The following LRRC8A variants were observed in gnomAD, a reference collection of about 807,000 sequenced individuals.
LRRC8A encodes leucine rich repeat containing 8 VRAC subunit A.
Under a neutral mutation model 52.5 loss-of-function variants are expected in LRRC8A, and 24 were observed. The observed-to-expected ratio is 0.46, with a 90% confidence interval of 0.33 to 0.64. The LOEUF is 0.64. Among genes scored for constraint, LRRC8A ranks in the 30% least tolerant of loss-of-function variants. The probability of loss-of-function intolerance (pLI) is 0.02; values close to 1 mark genes in which losing one functional copy is unlikely to be tolerated. For missense variants in LRRC8A, 677 were observed against 1,094.7 expected, an observed-to-expected ratio of 0.62 and a Z score of 5.38; for synonymous variants, 492 against 494.2, an observed-to-expected ratio of 1.00 and a Z score of 0.06.
At position 128,899,255 on chromosome 9, in the gene LRRC8A, G is replaced by A. The variant is rs1212374020; in HGVS notation, c.-8-7902G>A. Among the ~76,000 whole-genome samples, 2 of 152,176 alleles carry A rather than the reference G, an allele frequency of 1.3e-5. No homozygotes were observed. Among genetic ancestry groups the A allele is most frequent in the Admixed American group, 6.5e-5 (1 of 15,272 alleles). On this transcript the variant is annotated intron_variant, in intron 2 of 3. Transcript: ENST00000372600. The surrounding 1 kb of genome is among the most constrained non-coding windows in gnomAD (Gnocchi z 4.0). ...GGACGCAGTGCCAGCTGAGAGGGCC[G>A]AGCACAGGGAGGATAAGCAAGGGCA... is the stretch of plus-strand genomic sequence containing the variant.
chr9:128,902,454 T>C lies in LRRC8A; in HGVS notation c.-8-4703T>C, dbSNP rs1588212806. On this transcript the variant is annotated intron_variant, in intron 2 of 3. Coordinates refer to ENST00000372600, the MANE Select transcript of LRRC8A (RefSeq NM_019594.4). This position sits in a 1 kb window ranked among gnomAD's most constrained non-coding sequence, Gnocchi z 4.1. Reference sequence around the variant, plus strand: ...CCCAGGTCGGCGGGGCTGGGGCGGCTCCTCGCAGAGGAAGCAGGTGTTTCT... The same window carrying C: ...CCCAGGTCGGCGGGGCTGGGGCGGCCCCTCGCAGAGGAAGCAGGTGTTTCT... 6.6e-6 allele frequency among the ~76,000 whole-genome samples: 1 copy of C among 152,086 alleles called. No individual in the cohort carries two copies. The highest frequency in any genetic ancestry group is 2.4e-5 in the African/African-American group (1 of 41,424).
intron 2 of LRRC8A, among the ~76,000 whole-genome samples, chr9:128,889,348 A>C (rs1484389797): frequency 6.6e-6 from 1 of 152,160 alleles, no homozygotes; most frequent in Non-Finnish European, 1.5e-5. Context: ...CTGGTGGGCT[A>C]CAAACAATGC....
intron 2 of LRRC8A, among the ~76,000 whole-genome samples, chr9:128,906,316 ATTTTTTTTTTT>A (rs71383620): frequency 1.3e-5 from 1 of 79,272 alleles, no homozygotes. Flanking sequence ...CCCATGTGGA[ATTTTTTTTTTT>A]TTTTTTTTTT....
intron 3 of LRRC8A, among the ~76,000 whole-genome samples, chr9:128,914,216 C>CA (rs1394548181): frequency 8.8e-5 from 13 of 147,770 alleles, no homozygotes; most frequent in Non-Finnish European, 1.7e-4. Context: ...CCCCGCCCCC[C>CA]AAAAAAAAAG....
intron 1 of LRRC8A, chr9:128,882,729 G>GCACA (rs1839133120): frequency 5.0e-6 from 2 of 398,746 alleles, no homozygotes; most frequent in South Asian, 1.3e-4. Flanking sequence ...GTTCCGATGG[G>GCACA]GGCAGTGCCC....
rs1840833165 is a variant in LRRC8A, at chr9:128,916,581, G to C, written c.*210G>C. ...CTCCCTCTGAGACTCACGTCCCCCA[G>C]GGCAAGTGCTTGTGGAGGAGAGCAA... On this transcript the variant is annotated 3_prime_UTR_variant, in exon 4 of 4. Coordinates refer to ENST00000372600, the MANE Select transcript of LRRC8A (RefSeq NM_019594.4). This position sits in a 1 kb window ranked among gnomAD's most constrained non-coding sequence, Gnocchi z 6.1. 1 of 621,646 alleles carries C rather than the reference G, an allele frequency of 1.6e-6. No homozygotes were observed. Among genetic ancestry groups the C allele is most frequent in the African/African-American group, 1.8e-5 (1 of 54,520 alleles). The allele number at this position is 621,646 out of a possible 1,614,324, so 38.5% of individuals were successfully genotyped here.
rs12001178 is a variant in LRRC8A, at chr9:128,892,470, G to A, written c.-9+6349G>A. On this transcript the variant is annotated intron_variant, in intron 2 of 3. Transcript: ENST00000372600. The surrounding 1 kb of genome is among the most constrained non-coding windows in gnomAD (Gnocchi z 5.2). ...GGTGAGAGCAGTTTGGAACTGACCC[G>A]TGCTCCCCTCCCCCTCCAGCCCTGG... Among the ~76,000 whole-genome samples the A allele has an allele frequency of 7.3e-3, 1,107 of 152,272 alleles. 7 individuals are homozygous for A. The highest frequency in any genetic ancestry group is 0.019 in the African/African-American group (782 of 41,550).
At chr9:128,915,308 T>C (rs1182478370) in intron 3 of LRRC8A, among the ~76,000 whole-genome samples, 1 of 152,194 alleles carries the variant, frequency 6.6e-6, no homozygotes, top group Non-Finnish European at 1.5e-5. Flanking sequence ...AAATTAAGCA[T>C]AGTACACTTA....
In LRRC8A at chr9:128,907,616, C is replaced by T; in HGVS notation, c.452C>T (p.Ser151Leu). 1 of 1,614,140 alleles carries T rather than the reference C, an allele frequency of 6.2e-7. No individual in the cohort carries two copies. ...TGGTTCAAATTCCCGCGCACCAGCT[C>T]GAAGCTGGAGCACTTTGTGTCTATC... is the stretch of plus-strand genomic sequence containing the variant. ...NFWFKFPRTS[S>L]KLEHFVSILL... Residue 151 changes from serine (S) to leucine (L), a missense_variant, in exon 3 of 4, where the codon TCG becomes TTG. Physicochemically the swap from Ser to Leu is moderately radical, Grantham distance 145. Around this residue, in one of 4 missense-constraint regions of LRRC8A, gnomAD observed 422 missense variants for 741.5 expected, o/e 0.57. Coordinates refer to ENST00000372600, the MANE Select transcript of LRRC8A (RefSeq NM_019594.4). This position sits in a 1 kb window ranked among gnomAD's most constrained non-coding sequence, Gnocchi z 9.3.
chr9:128,903,857 G>A (rs549966474), intron 2 of LRRC8A, among the ~76,000 whole-genome samples: 12 of 152,178 alleles, frequency 7.9e-5, no homozygotes, highest in South Asian at 2.1e-4. Context: ...GCAAAACACC[G>A]TCTCTACTAA....
At position 128,894,280 on chromosome 9, in the gene LRRC8A, G is replaced by A. The variant is rs112388472; in HGVS notation, c.-9+8159G>A. 8.1e-3 allele frequency among the ~76,000 whole-genome samples: 1,214 copies of A among 150,760 alleles called. 30 individuals are homozygous for A. The highest frequency in any genetic ancestry group is 0.029 in the African/African-American group (1,170 of 40,932). On this transcript the variant is annotated intron_variant, in intron 2 of 3. Coordinates refer to ENST00000372600, the MANE Select transcript of LRRC8A (RefSeq NM_019594.4). ...AGGCAGATCACAAGGTCAGTAGATC[G>A]AGATCATCCTGGTTAACACGATGAA...
intron 2 of LRRC8A, among the ~76,000 whole-genome samples, chr9:128,906,269 C>T (rs1186811433): frequency 6.6e-6 from 1 of 150,376 alleles, no homozygotes; most frequent in South Asian, 2.1e-4. Flanking sequence ...GCTGGGATTA[C>T]AGGCTAGGAT....
intron 2 of LRRC8A, among the ~76,000 whole-genome samples, chr9:128,893,802 C>T (rs1588203437): frequency 1.3e-5 from 2 of 152,108 alleles, no homozygotes; most frequent in African/African-American, 4.8e-5. Context: ...AGTCTCACCA[C>T]GAGTAGACTT....
chr9:128,904,711 T>C (rs1265807795), intron 2 of LRRC8A, among the ~76,000 whole-genome samples: 1 of 151,894 alleles, frequency 6.6e-6, no homozygotes, highest in Non-Finnish European at 1.5e-5. Flanking sequence ...TAGCCGGGCA[T>C]GGGCCAGGTA....
intron 2 of LRRC8A, among the ~76,000 whole-genome samples, chr9:128,893,845 A>G (rs1839718185): frequency 6.6e-6 from 1 of 151,152 alleles, no homozygotes; most frequent in South Asian, 2.1e-4. Flanking sequence ...AGCTTTCTAA[A>G]TTCTTTTCTG....
At chr9:128,906,667 C>T (rs1174258894) in intron 2 of LRRC8A, among the ~76,000 whole-genome samples, 1 of 152,096 alleles carries the variant, frequency 6.6e-6, no homozygotes, top group Non-Finnish European at 1.5e-5. Flanking sequence ...TGTTGTGCCC[C>T]CTCTGCATGT....
In LRRC8A at chr9:128,907,850, C is replaced by T. The variant is rs769346865; in HGVS notation, c.686C>T (p.Thr229Met). 8.1e-6 allele frequency: 13 copies of T among 1,613,916 alleles called. No individual in the cohort carries two copies. The highest frequency in any genetic ancestry group is 5.3e-5 in the African/African-American group (4 of 74,896). Residue 229 changes from threonine (T) to methionine (M), a missense_variant, in exon 3 of 4, where the codon ACG becomes ATG. Physicochemically the swap from Thr to Met is moderately conservative, Grantham distance 81. This residue lies in a region of LRRC8A where 422 missense variants were observed against 741.5 expected (regional missense o/e 0.57). Transcript: ENST00000372600. This position sits in a 1 kb window ranked among gnomAD's most constrained non-coding sequence, Gnocchi z 9.3. Reference sequence around the variant, plus strand: ...CAGGGTATCGTGGACCGCTCAGAGACGGGCGTGCTGGACAAGAAGGAGGGG... The same window carrying T: ...CAGGGTATCGTGGACCGCTCAGAGATGGGCGTGCTGGACAAGAAGGAGGGG... ...IEQGIVDRSE[T>M]GVLDKKEGEQ...
In LRRC8A at chr9:128,908,592, C is replaced by T. The variant is rs139819304; in HGVS notation, c.1428C>T (p.Leu476=). The change falls in exon 3 of 4, where the codon CTC becomes CTT. Residue 476 remains leucine (L), a synonymous_variant. Transcript: ENST00000372600. ...TCACGGGCCTCAAGGAGCTGTGGCT[C>T]TACCACACAGCGGCCAAGATTGAAG... ...AQLTGLKELW[L]YHTAAKIEAP... The T allele has an allele frequency of 4.3e-6, 7 of 1,612,634 alleles. No individual in the cohort carries two copies. In the African/African-American group the frequency reaches 9.3e-5, roughly 22 times the overall value.
Position 128,900,046 on chromosome 9 carries a change from A to T in LRRC8A, c.-8-7111A>T, listed in dbSNP as rs762088741. ...ACTGCTCTCTTGTGGGTATCTAGTC[A>T]TCTGCAGTCCTGAGTTCCTGGGCAG... On this transcript the variant is annotated intron_variant, in intron 2 of 3. Coordinates refer to ENST00000372600, the MANE Select transcript of LRRC8A (RefSeq NM_019594.4). 2.6e-5 allele frequency among the ~76,000 whole-genome samples: 4 copies of T among 152,180 alleles called. No homozygotes were observed. In the East Asian group the frequency reaches 7.7e-4, roughly 29 times the overall value.
Sources: gnomAD v4.1 joint callset for allele counts (sites outside exome capture counted in the v4.1 genomes callset) on GRCh38, gnomAD v4.1.1 for gene constraint, gnomAD v4.1.1 regional missense constraint, Gnocchi (gnomAD v3.1) non-coding constraint, MANE v1.5 for transcripts, NCBI Gene and HGNC (gene_info 2026-07-23, HGNC 2026-07-21) for gene names.